GPC5: variants seen among roughly 807,000 people sequenced by gnomAD.
GPC5 encodes glypican-5.
In GPC5, 47 loss-of-function variants were observed where a neutral mutation model predicts 53.9. The ratio of observed to expected loss-of-function variants is 0.87; its 90% CI spans 0.69 to 1.11. The LOEUF (loss-of-function observed/expected upper bound fraction) is 1.11. Among genes scored for constraint, GPC5 ranks in the 50% most tolerant of loss-of-function variants. GPC5 has a pLI of 0.00. For missense variants in GPC5, 748 were observed against 713.1 expected (o/e 1.05, Z -0.56); for synonymous variants, 286 against 263.3 (o/e 1.09, Z -0.84).
At chr13:92,113,974 T>A (rs2041579445) in intron 6 of GPC5, among the ~76,000 whole-genome samples, 1 of 152,194 alleles carries the variant, frequency 6.6e-6, no homozygotes, top group Admixed American at 6.5e-5. Context: ...AAAACAACTC[T>A]TCCTTCAAAA....
chr13:92,640,360 C>G (rs759897796), intron 7 of GPC5, among the ~76,000 whole-genome samples: 1 of 151,864 alleles, frequency 6.6e-6, no homozygotes. Flanking sequence ...CCCGGGTTCA[C>G]GCCATTCTCC....
chr13:91,494,712 CCTT>C (rs921125121), intron 2 of GPC5, among the ~76,000 whole-genome samples: 12 of 152,258 alleles, frequency 7.9e-5, no homozygotes, highest in East Asian at 3.9e-4. Flanking sequence ...GGTGATCACT[CCTT>C]CTCTTTGAAA....
intron 7 of GPC5, among the ~76,000 whole-genome samples, chr13:92,165,234 C>G (rs1382457814): frequency 2.6e-5 from 4 of 152,176 alleles, no homozygotes; most frequent in African/African-American, 9.7e-5. Flanking sequence ...ATTGGATCAT[C>G]AGGCTGCAAA....
intron 5 of GPC5, among the ~76,000 whole-genome samples, chr13:91,887,150 A>G (rs934403788): frequency 2.0e-5 from 3 of 152,112 alleles, no homozygotes; most frequent in African/African-American, 4.8e-5. Context: ...CCAAACCTCA[A>G]TTCTTGACTT....
At chr13:91,825,467 C>A (rs2038562641) in intron 5 of GPC5, among the ~76,000 whole-genome samples, 1 of 152,074 alleles carries the variant, frequency 6.6e-6, no homozygotes, top group African/African-American at 2.4e-5. Context: ...ATATTTGAAT[C>A]ATAATGCCTT....
At chr13:92,040,041 CT>C (rs1362070963) in intron 6 of GPC5, among the ~76,000 whole-genome samples, 1 of 152,138 alleles carries the variant, frequency 6.6e-6, no homozygotes, top group Non-Finnish European at 1.5e-5. Context: ...AAACTCTGTG[CT>C]TAAGGATGTT....
chr13:91,886,647 C>T (rs1223733999), intron 5 of GPC5, among the ~76,000 whole-genome samples: 1 of 151,938 alleles, frequency 6.6e-6, no homozygotes, highest in Non-Finnish European at 1.5e-5. Flanking sequence ...GGTATTTACG[C>T]CTGTTCCAAA....
At chr13:91,427,001 A>G (rs1879103081) in intron 1 of GPC5, among the ~76,000 whole-genome samples, 1 of 152,198 alleles carries the variant, frequency 6.6e-6, no homozygotes, top group African/African-American at 2.4e-5. Context: ...GTGGTATTGG[A>G]CCCGTGGATG....
intron 7 of GPC5, among the ~76,000 whole-genome samples, chr13:92,766,126 A>G (rs536925948): frequency 1.2e-4 from 18 of 152,250 alleles, no homozygotes; most frequent in African/African-American, 3.9e-4. Flanking sequence ...GCAATCCACT[A>G]TATAGAGAAT....
intron 7 of GPC5, among the ~76,000 whole-genome samples, chr13:92,280,552 A>G (rs2042907253): frequency 6.6e-6 from 1 of 152,104 alleles, no homozygotes; most frequent in East Asian, 1.9e-4. Flanking sequence ...TGTTGTTTCC[A>G]TTTTTATTTA....
At chr13:91,900,787 T>G (rs1461963369) in intron 5 of GPC5, among the ~76,000 whole-genome samples, 1 of 152,104 alleles carries the variant, frequency 6.6e-6, no homozygotes, top group Non-Finnish European at 1.5e-5. Context: ...TTTTTTGAAA[T>G]GACAGCTTCC....
At chr13:91,871,379 G>C (rs1237455132) in intron 5 of GPC5, among the ~76,000 whole-genome samples, 1 of 151,980 alleles carries the variant, frequency 6.6e-6, no homozygotes, top group Admixed American at 6.6e-5. Flanking sequence ...AGGGAGAGGA[G>C]CAGAAAAGAT....
At chr13:92,055,006 T>G (rs1228024130) in intron 6 of GPC5, among the ~76,000 whole-genome samples, 3 of 152,204 alleles carry the variant, frequency 2.0e-5, no homozygotes, top group African/African-American at 4.8e-5. Flanking sequence ...ATTTTATGAA[T>G]AGGAAATATA....
intron 2 of GPC5, among the ~76,000 whole-genome samples, chr13:91,656,886 A>G (rs1340614475): frequency 8.5e-5 from 13 of 152,182 alleles, no homozygotes; most frequent in Non-Finnish European, 1.8e-4. Flanking sequence ...TATTTTAGAA[A>G]CAGTGCTGGG....
At chr13:91,856,218 T>C (rs2038965294) in intron 5 of GPC5, among the ~76,000 whole-genome samples, 1 of 151,568 alleles carries the variant, frequency 6.6e-6, no homozygotes, top group Non-Finnish European at 1.5e-5. Context: ...TAAAAAAACA[T>C]ATTTTTCTTT....
chr13:91,420,162 A>G (rs935720789), intron 1 of GPC5, among the ~76,000 whole-genome samples: 1 of 152,196 alleles, frequency 6.6e-6, no homozygotes, highest in African/African-American at 2.4e-5. Flanking sequence ...TCTGTGCATC[A>G]GATTTGGCAA....
chr13:91,875,137 G>T lies in GPC5; in HGVS notation c.1281-32800G>T, dbSNP rs148536350. On this transcript the variant is annotated intron_variant, in intron 5 of 7. Coordinates refer to ENST00000377067, the MANE Select transcript of GPC5 (RefSeq NM_004466.6). ...GAAATGTCAGACTTGTGTCTCTAAG[G>T]TTTGGTCTCCTGAGTAATGGCTTGT... is the stretch of plus-strand genomic sequence containing the variant. Among the ~76,000 whole-genome samples, 33 of 152,262 alleles carry T rather than the reference G, an allele frequency of 2.2e-4. No homozygotes were observed. In the East Asian group the frequency reaches 4.4e-3, roughly 20 times the overall value.
chr13:92,361,472 G>A (rs1241529519), intron 7 of GPC5, among the ~76,000 whole-genome samples: 1 of 151,746 alleles, frequency 6.6e-6, no homozygotes, highest in African/African-American at 2.4e-5. Flanking sequence ...TTGACCAATA[G>A]CCAGCCTGTG....
intron 7 of GPC5, among the ~76,000 whole-genome samples, chr13:92,569,104 A>C (rs1229048537): frequency 9.2e-6 from 1 of 108,792 alleles, no homozygotes; most frequent in Non-Finnish European, 1.7e-5. Flanking sequence ...CAGTCCCCAG[A>C]GTGTGATGTT....
Sources: allele counts gnomAD v4.1 joint callset (sites outside exome capture counted in the v4.1 genomes callset), GRCh38; gene constraint gnomAD v4.1.1; transcripts MANE v1.5; gene names NCBI Gene and HGNC (gene_info 2026-07-23, HGNC 2026-07-21).